YIPF7: variants seen among roughly 807,000 people sequenced by gnomAD.
YIPF7 encodes protein YIPF7.
Under a neutral mutation model 27.2 loss-of-function variants are expected in YIPF7, and 35 were observed. That is an observed-to-expected ratio of 1.29 (90% CI 0.98 to 1.70). YIPF7 has a LOEUF of 1.70. YIPF7 is among the 40% of genes most tolerant of loss of function. YIPF7 has a pLI of 0.00. For synonymous variants in YIPF7, 137 were observed against 110.4 expected, an observed-to-expected ratio of 1.24 and a Z score of -1.51; for missense variants, 358 against 303.7, an observed-to-expected ratio of 1.18 and a Z score of -1.33.
chr4:44,625,318 G>T (rs1414724441), intron 4 of YIPF7, among the ~76,000 whole-genome samples: 5 of 152,080 alleles, frequency 3.3e-5, no homozygotes, highest in Non-Finnish European at 7.4e-5. Flanking sequence ...GGAAACTGAG[G>T]TGCAGAGATG....
At chr4:44,627,961 T>C (rs1195147855) in intron 4 of YIPF7, among the ~76,000 whole-genome samples, 2 of 152,164 alleles carry the variant, frequency 1.3e-5, no homozygotes, top group African/African-American at 4.8e-5. Context: ...CATAATGGAA[T>C]TGATGCTGTT....
chr4:44,635,459 A>C (rs1316663754), intron 3 of YIPF7, among the ~76,000 whole-genome samples: 1 of 152,188 alleles, frequency 6.6e-6, no homozygotes, highest in Non-Finnish European at 1.5e-5. Context: ...GAAAGAAAAA[A>C]AACTGGCTTG....
chr4:44,625,331 A>G (rs1280273979), intron 4 of YIPF7, among the ~76,000 whole-genome samples: 1 of 152,182 alleles, frequency 6.6e-6, no homozygotes, highest in East Asian at 1.9e-4. Context: ...CAGAGATGAT[A>G]AGTACCTTGC....
At chr4:44,629,650 G>T in intron 3 of YIPF7, 102 bp from the exon 4 acceptor site, 1 of 885,920 alleles carries the variant, frequency 1.1e-6, no homozygotes, top group Non-Finnish European at 1.6e-6. Context: ...AATTTACTTA[G>T]CATTTTAATC....
chr4:44,635,740 C>G (rs1031911253), intron 3 of YIPF7, among the ~76,000 whole-genome samples, 182 bp downstream of exon 3: 1 of 152,126 alleles, frequency 6.6e-6, no homozygotes, highest in Non-Finnish European at 1.5e-5. Flanking sequence ...CCCAATTTCC[C>G]CTATGCAAAC....
At chr4:44,648,543 T>C (rs989566455) in intron 2 of YIPF7, among the ~76,000 whole-genome samples, 26 of 152,246 alleles carry the variant, frequency 1.7e-4, no homozygotes, top group African/African-American at 6.3e-4. Context: ...TGTATAGTTA[T>C]CATGAAAGTT....
At chr4:44,661,705 T>C (rs1560333189) in intron 1 of YIPF7, among the ~76,000 whole-genome samples, 2 of 152,194 alleles carry the variant, frequency 1.3e-5, no homozygotes. Context: ...ACAGCATTCA[T>C]TGGGAGGTGA....
At chr4:44,651,702 C>A (rs1713745219), upstream of YIPF7, 3 of 1,112,964 alleles carry the variant, frequency 2.7e-6, no homozygotes, top group South Asian at 4.0e-5. Context: ...ATGCTACAGT[C>A]AAAAATAAAA....
Position 44,661,877 on chromosome 4 carries a change from G to A in YIPF7, c.-171-1259C>T, listed in dbSNP as rs143071038. The stretch of plus-strand genomic sequence containing the variant: ...TTGGTCTTTAATTACCAAGTTAATT[G>A]GTTTTTATCTGTCACCATCTCTAGC... On this transcript the variant is annotated intron_variant, in intron 1 of 2. Transcript: ENST00000508947. 6.6e-4 allele frequency among the ~76,000 whole-genome samples: 100 copies of A among 152,308 alleles called. 1 individual carries two copies. Among genetic ancestry groups the A allele is most frequent in the African/African-American group, 2.2e-3 (93 of 41,580 alleles).
At chr4:44,636,871 T>C (rs1224877515) in intron 2 of YIPF7, among the ~76,000 whole-genome samples, 2 of 152,184 alleles carry the variant, frequency 1.3e-5, no homozygotes, top group African/African-American at 4.8e-5. Context: ...ACATTCATTA[T>C]ATGCATTAAC....
chr4:44,648,948 C>G (rs527918403), intron 2 of YIPF7, among the ~76,000 whole-genome samples: 72 of 152,066 alleles, frequency 4.7e-4, no homozygotes, highest in Non-Finnish European at 3.5e-4. Context: ...TCATTTTCAA[C>G]TCAAGTTGAA....
intron 2 of YIPF7, among the ~76,000 whole-genome samples, chr4:44,657,842 C>T (rs1713942782): frequency 6.6e-6 from 1 of 152,056 alleles, no homozygotes. Flanking sequence ...AAAGTCACAC[C>T]TGGGAGAAGG....
intron 2 of YIPF7, among the ~76,000 whole-genome samples, chr4:44,642,701 A>C (rs960551987): frequency 6.6e-6 from 1 of 152,058 alleles, no homozygotes; most frequent in Admixed American, 6.6e-5. Context: ...TTCTCATGAT[A>C]GAGTTCTCAT....
At chr4:44,643,042 C>A (rs922857552) in intron 2 of YIPF7, among the ~76,000 whole-genome samples, 1 of 152,000 alleles carries the variant, frequency 6.6e-6, no homozygotes, top group Non-Finnish European at 1.5e-5. Flanking sequence ...AGGTAGATGT[C>A]AGAAGAGTGT....
chr4:44,633,114 A>T (rs1279245094), intron 3 of YIPF7, among the ~76,000 whole-genome samples: 1 of 152,182 alleles, frequency 6.6e-6, no homozygotes, highest in South Asian at 2.1e-4. Flanking sequence ...GAATCTAACT[A>T]ATGCCTGATG....
chr4:44,654,390 C>T (rs1435420348), upstream of YIPF7, among the ~76,000 whole-genome samples: 1 of 151,890 alleles, frequency 6.6e-6, no homozygotes, highest in Non-Finnish European at 1.5e-5. Context: ...TGTAAAAAAG[C>T]CGTGTGTTCT....
chr4:44,639,129 C>T (rs575491144), intron 2 of YIPF7, among the ~76,000 whole-genome samples: 5 of 152,234 alleles, frequency 3.3e-5, no homozygotes, highest in African/African-American at 1.2e-4. Context: ...AATGAGATGC[C>T]TCCAGGTTTG....
At chr4:44,636,854 C>T (rs1403696482) in intron 2 of YIPF7, among the ~76,000 whole-genome samples, 1 of 151,936 alleles carries the variant, frequency 6.6e-6, no homozygotes, top group African/African-American at 2.4e-5. Flanking sequence ...TATCCAAAAC[C>T]CAAATAACAT....
chr4:44,638,521 T>C (rs1713216580), intron 2 of YIPF7, among the ~76,000 whole-genome samples: 1 of 152,182 alleles, frequency 6.6e-6, no homozygotes. Flanking sequence ...ACCACCTTAC[T>C]CCTTGTCCAC....
Sources: gnomAD v4.1 joint callset for allele counts (sites outside exome capture counted in the v4.1 genomes callset) on GRCh38, gnomAD v4.1.1 for gene constraint, MANE v1.5 for transcripts, NCBI Gene and HGNC (gene_info 2026-07-23, HGNC 2026-07-21) for gene names.